The following WIPF2 variants were observed in gnomAD, a reference collection of about 807,000 sequenced individuals.
The protein encoded by WIPF2 is WAS/WASL interacting protein family member 2.
Under a neutral mutation model 38.8 loss-of-function variants are expected in WIPF2, and 23 were observed. The ratio of observed to expected loss-of-function variants is 0.59; its 90% CI spans 0.43 to 0.84. The LOEUF (loss-of-function observed/expected upper bound fraction) is 0.84. WIPF2 is among the 40% of genes least tolerant of loss of function. The pLI is 0.00. For synonymous variants in WIPF2, 210 were observed against 223.2 expected (o/e 0.94, Z 0.53); for missense variants, 574 against 580.5 (o/e 0.99, Z 0.11).
intron 2 of WIPF2, among the ~76,000 whole-genome samples, chr17:40,256,782 A>C (rs553158377): frequency 6.6e-6 from 1 of 152,268 alleles, no homozygotes; most frequent in South Asian, 2.1e-4. Context: ...AAACAAGTCC[A>C]TCTTTTTCAG....
chr17:40,238,832 GA>G (rs1271193769), intron 1 of WIPF2, among the ~76,000 whole-genome samples: 19 of 151,454 alleles, frequency 1.3e-4, no homozygotes, highest in Non-Finnish European at 2.9e-5. Context: ...AGGCTGGTCT[GA>G]AACTCCTGAC....
rs761019731 is a variant in WIPF2 at position 40,262,655 on chromosome 17, A to G, written c.313+14A>G. 6.2e-7 allele frequency: 1 copy of G among 1,602,386 alleles called. No individual in the cohort carries two copies. Among genetic ancestry groups the G allele is most frequent in the Admixed American group, 1.7e-5 (1 of 59,936 alleles). On this transcript the variant is annotated intron_variant, in intron 4 of 7. Transcript: ENST00000323571. Reference sequence around the variant, plus strand: ...AGGATGGTTCAGGTATCTGATGAGTACTTTCCCAGGGTATTTCCCTGGTGT... The same window carrying G: ...AGGATGGTTCAGGTATCTGATGAGTGCTTTCCCAGGGTATTTCCCTGGTGT...
intron 1 of WIPF2, among the ~76,000 whole-genome samples, chr17:40,234,633 A>G: frequency 6.6e-6 from 1 of 152,146 alleles, no homozygotes; most frequent in East Asian, 1.9e-4. Context: ...TTCAAAAAAA[A>G]AGGAAAACCA....
At chr17:40,270,900 G>GTGTGTGTGTGTGTGTGTC (rs1317581970) in intron 5 of WIPF2, among the ~76,000 whole-genome samples, 1 of 151,986 alleles carries the variant, frequency 6.6e-6, no homozygotes, top group African/African-American at 2.4e-5. Flanking sequence ...GTGTGTGTGT[G>GTGTGTGTGTGTGTGTGTC]TATGTTATTC....
chr17:40,224,385 C>T (rs2030389208), intron 1 of WIPF2, among the ~76,000 whole-genome samples: 1 of 149,886 alleles, frequency 6.7e-6, no homozygotes, highest in African/African-American at 2.5e-5. Context: ...CGCCTGCCAC[C>T]ACGCCCGGCT....
rs568686520 is a variant in WIPF2, at chr17:40,242,556, C to T, written c.-69-13835C>T. ...CTGGGATTACAGGCGCCCGCCGCCA[C>T]GCCTGGCTAATTTTTTTGTATTTTT... On this transcript the variant is annotated intron_variant, in intron 1 of 7. Transcript: ENST00000323571. Among the ~76,000 whole-genome samples the T allele has an allele frequency of 1.2e-4, 18 of 152,196 alleles. No homozygotes were observed. The South Asian group carries it at 3.1e-3, about 26-fold the overall frequency.
In WIPF2 at chr17:40,240,175, C is replaced by T. The variant is rs1262741297; in HGVS notation, c.-69-16216C>T. The stretch of plus-strand genomic sequence containing the variant: ...CTCCCAGGTTCAAGCAATTCTGCTG[C>T]CTCAGCCTCCCAAGTCGCTGGCAAC... On this transcript the variant is annotated intron_variant, in intron 1 of 7. Coordinates refer to ENST00000323571, the MANE Select transcript of WIPF2 (RefSeq NM_133264.5). 2.0e-5 allele frequency among the ~76,000 whole-genome samples: 3 copies of T among 152,192 alleles called. No homozygotes were observed. In the East Asian group the frequency reaches 5.8e-4, roughly 29 times the overall value.
At chr17:40,265,558 G>A (rs1465618946) in intron 5 of WIPF2, among the ~76,000 whole-genome samples, 3 of 152,112 alleles carry the variant, frequency 2.0e-5, no homozygotes, top group African/African-American at 4.8e-5. Context: ...GCTGTTGCAG[G>A]CAGTGGGAAC....
intron 2 of WIPF2, among the ~76,000 whole-genome samples, chr17:40,256,985 CTT>C (rs1252036150): frequency 6.8e-6 from 1 of 146,372 alleles, no homozygotes. Context: ...GTGAGGATTC[CTT>C]TTTTTTTTTG....
chr17:40,253,438 C>A (rs2031623103), intron 1 of WIPF2, among the ~76,000 whole-genome samples: 1 of 152,100 alleles, frequency 6.6e-6, no homozygotes, highest in Admixed American at 6.6e-5. Context: ...CACAGTAAAC[C>A]CAGGGGATGC....
Position 40,278,210 on chromosome 17 carries a change from A to T in WIPF2, c.1308A>T (p.Pro436=). Reference sequence around the variant, plus strand: ...CTGCCCGTGGAGCCCCACCTCTGCCACCCATTCTCAGGTGAAGCCTGGCTT... The same window carrying T: ...CTGCCCGTGGAGCCCCACCTCTGCCTCCCATTCTCAGGTGAAGCCTGGCTT... ...NRAARGAPPL[P]PILR is the part of the protein sequence containing the mutation. Residue 436 remains proline, a synonymous_variant, in exon 8 of 8, where the codon CCA becomes CCT. Coordinates refer to ENST00000323571, the MANE Select transcript of WIPF2 (RefSeq NM_133264.5). 1 of 1,613,728 alleles carries T rather than the reference A, an allele frequency of 6.2e-7. No homozygotes were observed.
At chr17:40,231,970 C>A (rs2145292993) in intron 1 of WIPF2, among the ~76,000 whole-genome samples, 1 of 136,068 alleles carries the variant, frequency 7.3e-6, no homozygotes. Context: ...AGTGGCATTA[C>A]ATTGAAAACA....
intron 1 of WIPF2, among the ~76,000 whole-genome samples, chr17:40,235,461 T>A (rs1263074800): frequency 1.3e-5 from 2 of 152,068 alleles, no homozygotes; most frequent in South Asian, 2.1e-4. Context: ...GGAAAGTCAC[T>A]GATTCATCCC....
At chr17:40,277,481 A>T (rs1052948002) in intron 7 of WIPF2, among the ~76,000 whole-genome samples, 3 of 152,110 alleles carry the variant, frequency 2.0e-5, no homozygotes, top group African/African-American at 7.2e-5. Context: ...GGAGATCAAG[A>T]CCATCCTAGC....
intron 3 of WIPF2, among the ~76,000 whole-genome samples, chr17:40,261,749 C>T (rs1336858645): frequency 9.4e-5 from 14 of 148,356 alleles, no homozygotes; most frequent in African/African-American, 1.7e-4. Context: ...TGCAGTGGCG[C>T]GATCTTGGCT....
intron 1 of WIPF2, among the ~76,000 whole-genome samples, chr17:40,248,375 G>GC (rs2031444137): frequency 6.6e-6 from 1 of 151,372 alleles, no homozygotes; most frequent in Non-Finnish European, 1.5e-5. Context: ...CACCATGTTG[G>GC]CCAGGCTGGT....
At chr17:40,229,117 C>CT (rs1162553464) in intron 1 of WIPF2, among the ~76,000 whole-genome samples, 3,474 of 141,502 alleles carry the variant, frequency 0.025, 58 homozygotes, top group African/African-American at 0.045. Flanking sequence ...CCAGGCTGGT[C>CT]TTTTTTTTTT....
intron 1 of WIPF2, among the ~76,000 whole-genome samples, chr17:40,228,610 A>G (rs972714393): frequency 7.4e-6 from 1 of 135,560 alleles, no homozygotes; most frequent in African/African-American, 2.7e-5. Context: ...GGATGCAGAT[A>G]GGGCAGTGAA....
intron 1 of WIPF2, among the ~76,000 whole-genome samples, chr17:40,246,494 G>A (rs1429408595): frequency 6.6e-6 from 1 of 151,034 alleles, no homozygotes; most frequent in African/African-American, 2.4e-5. Flanking sequence ...CACCTCCTGG[G>A]TTCAACGATT....
Sources: gnomAD v4.1 joint callset for allele counts (sites outside exome capture counted in the v4.1 genomes callset) on GRCh38, gnomAD v4.1.1 for gene constraint, MANE v1.5 for transcripts, NCBI Gene and HGNC (gene_info 2026-07-23, HGNC 2026-07-21) for gene names.